The following NRG3 variants were observed in gnomAD, a reference collection of about 807,000 sequenced individuals.
The protein encoded by NRG3 is pro-neuregulin-3, membrane-bound isoform.
Under a neutral mutation model 66.9 loss-of-function variants are expected in NRG3, and 31 were observed. That is an observed-to-expected ratio of 0.46 (90% CI 0.35 to 0.63). The LOEUF is 0.63. NRG3 is among the 20% of genes least tolerant of loss of function. The probability of loss-of-function intolerance (pLI) is 0.00; values close to 1 mark genes in which losing one functional copy is unlikely to be tolerated. For missense variants in NRG3, 910 were observed against 878.9 expected (o/e 1.04, Z -0.45); for synonymous variants, 393 against 359.4 (o/e 1.09, Z -1.06).
At chr10:82,464,090 A>T (rs541854016) in intron 2 of NRG3, among the ~76,000 whole-genome samples, 16 of 152,190 alleles carry the variant, frequency 1.1e-4, no homozygotes, top group Non-Finnish European at 2.2e-4. Context: ...AGGTGGGGAA[A>T]TGAAATTAGT....
At chr10:82,446,397 A>G (rs993878540) in intron 2 of NRG3, among the ~76,000 whole-genome samples, 2 of 152,220 alleles carry the variant, frequency 1.3e-5, no homozygotes, top group Non-Finnish European at 2.9e-5. Flanking sequence ...AATGCTCATC[A>G]ATGATAGACT....
At position 81,876,051 on chromosome 10, in the gene NRG3, T is replaced by C. The variant is rs1841603701; in HGVS notation, c.711T>C (p.Asp237=). 6.2e-7 allele frequency: 1 copy of C among 1,613,970 alleles called. No homozygotes were observed. The highest frequency in any genetic ancestry group is 8.5e-7 in the Non-Finnish European group (1 of 1,180,024). The change falls in exon 1 of 9, where the codon GAT becomes GAC. Residue 237 remains aspartate, a synonymous_variant. Coordinates refer to ENST00000372141, the MANE Select transcript of NRG3 (RefSeq NM_001010848.4). ...AAYATSSYLH[D]STPSWTLSPF... is the part of the protein sequence containing the mutation. ...ACGCTACCTCCTCCTACCTTCACGA[T>C]TCTACTCCCTCCTGGACCCTGTCTC... is the stretch of plus-strand genomic sequence containing the variant.
At chr10:82,722,525 A>G (rs1028752492) in intron 2 of NRG3, among the ~76,000 whole-genome samples, 1 of 152,120 alleles carries the variant, frequency 6.6e-6, no homozygotes, top group African/African-American at 2.4e-5. Context: ...ATGCAAAAAA[A>G]TATAGATGTG....
At chr10:82,518,759 A>C (rs1845924602) in intron 2 of NRG3, among the ~76,000 whole-genome samples, 1 of 152,036 alleles carries the variant, frequency 6.6e-6, no homozygotes, top group Non-Finnish European at 1.5e-5. Flanking sequence ...CTGAATGGGC[A>C]ATTTCTCATT....
At chr10:82,115,608 T>C (rs1332597314) in intron 1 of NRG3, among the ~76,000 whole-genome samples, 2 of 152,078 alleles carry the variant, frequency 1.3e-5, no homozygotes, top group Non-Finnish European at 2.9e-5. Flanking sequence ...TTTGGTGTAA[T>C]GTGATTAATT....
Position 82,279,839 on chromosome 10 carries a change from C to G in NRG3, c.824-78900C>G, listed in dbSNP as rs973368482. Among the ~76,000 whole-genome samples the G allele has an allele frequency of 3.3e-5, 5 of 152,296 alleles. No homozygotes were observed. The East Asian group carries it at 7.7e-4, about 24-fold the overall frequency. On this transcript the variant is annotated intron_variant, in intron 1 of 8. Transcript: ENST00000372141. Reference sequence around the variant, plus strand: ...AATCGAAATTAGTTATTCTGAAAGTCAGTAAAATCGCTTCTATCCTCAGCT... The same window carrying G: ...AATCGAAATTAGTTATTCTGAAAGTGAGTAAAATCGCTTCTATCCTCAGCT...
At chr10:82,702,086 CAACCCACAG>C (rs1237956710) in intron 2 of NRG3, among the ~76,000 whole-genome samples, 3 of 152,138 alleles carry the variant, frequency 2.0e-5, no homozygotes, top group Non-Finnish European at 4.4e-5. Context: ...GGAAGAGAAA[CAACCCACAG>C]CACAGAAAAC....
At chr10:82,282,892 C>T (rs995171384) in intron 1 of NRG3, among the ~76,000 whole-genome samples, 5 of 152,034 alleles carry the variant, frequency 3.3e-5, no homozygotes, top group Admixed American at 1.3e-4. Flanking sequence ...CAAGAAACAC[C>T]TGCAGAGGAG....
At chr10:82,940,356 G>A (rs1221806724) in intron 4 of NRG3, among the ~76,000 whole-genome samples, 1 of 152,110 alleles carries the variant, frequency 6.6e-6, no homozygotes, top group African/African-American at 2.4e-5. Context: ...GTAATTGGCT[G>A]TCACTCTTTG....
intron 2 of NRG3, among the ~76,000 whole-genome samples, chr10:82,393,559 TAGAG>T (rs1187258110): frequency 2.0e-5 from 3 of 152,118 alleles, no homozygotes; most frequent in African/African-American, 7.2e-5. Flanking sequence ...GATAAGGAAA[TAGAG>T]AGCTGTGTTT....
At chr10:82,280,765 A>C (rs2079082095) in intron 1 of NRG3, among the ~76,000 whole-genome samples, 1 of 152,166 alleles carries the variant, frequency 6.6e-6, no homozygotes. Flanking sequence ...TAAGGCAATT[A>C]CTTATCTCTG....
chr10:82,777,080 T>G (rs2135235210), intron 3 of NRG3, among the ~76,000 whole-genome samples: 1 of 152,268 alleles, frequency 6.6e-6, no homozygotes, highest in South Asian at 2.1e-4. Context: ...AGGAAAAAAC[T>G]TTCATTTGCA....
intron 2 of NRG3, among the ~76,000 whole-genome samples, chr10:82,498,861 T>C (rs1843866679): frequency 6.6e-6 from 1 of 152,108 alleles, no homozygotes; most frequent in Non-Finnish European, 1.5e-5. Context: ...TAAAATCCTG[T>C]AAGCCATTAA....
At chr10:81,987,900 A>G (rs781411825) in intron 1 of NRG3, among the ~76,000 whole-genome samples, 6 of 152,200 alleles carry the variant, frequency 3.9e-5, no homozygotes, top group Non-Finnish European at 8.8e-5. Flanking sequence ...GGTGCTATGC[A>G]TATCCATATT....
chr10:82,089,661 T>C (rs1393817073), intron 1 of NRG3, among the ~76,000 whole-genome samples: 1 of 152,230 alleles, frequency 6.6e-6, no homozygotes, highest in African/African-American at 2.4e-5. Flanking sequence ...GTTAAGTTTT[T>C]GGTTTGTTTG....
At chr10:81,958,895 A>G (rs1850090872) in intron 1 of NRG3, among the ~76,000 whole-genome samples, 1 of 151,492 alleles carries the variant, frequency 6.6e-6, no homozygotes, top group South Asian at 2.1e-4. Flanking sequence ...TGTCTCAAAG[A>G]AAAAAAAATA....
In NRG3 at chr10:81,921,193, T is replaced by C. The variant is rs192747534; in HGVS notation, c.823+45030T>C. Among the ~76,000 whole-genome samples the C allele has an allele frequency of 1.2e-3, 177 of 152,152 alleles. 1 individual carries two copies. Among genetic ancestry groups the C allele is most frequent in the Middle Eastern group, 0.01 (3 of 294 alleles). ...ACAAATAAAAGCCTTTTCTCCCACT[T>C]TGATGGGAGAAAAATGGGATTCCAT... On this transcript the variant is annotated intron_variant, in intron 1 of 8. Coordinates refer to ENST00000372141, the MANE Select transcript of NRG3 (RefSeq NM_001010848.4).
chr10:82,902,657 T>A (rs1199289828), intron 4 of NRG3, among the ~76,000 whole-genome samples: 1 of 152,140 alleles, frequency 6.6e-6, no homozygotes, highest in East Asian at 1.9e-4. Flanking sequence ...CATCATCAAT[T>A]ATGTATTTAA....
chr10:82,849,571 G>A (rs1177970026), intron 3 of NRG3, among the ~76,000 whole-genome samples: 8 of 152,302 alleles, frequency 5.3e-5, no homozygotes, highest in Middle Eastern at 6.8e-3. Context: ...GGGTGAGGAG[G>A]ATAGGAAGTG....
Sources: allele counts gnomAD v4.1 joint callset (sites outside exome capture counted in the v4.1 genomes callset), GRCh38; gene constraint gnomAD v4.1.1; transcripts MANE v1.5; gene names NCBI Gene and HGNC (gene_info 2026-07-23, HGNC 2026-07-21).